The following ROBO1 variants were observed in gnomAD, a reference collection of about 807,000 sequenced individuals.
The protein encoded by ROBO1 is roundabout homolog 1.
In ROBO1, 149 loss-of-function variants were observed where a neutral mutation model predicts 195.9. The ratio of observed to expected loss-of-function variants is 0.76; its 90% CI spans 0.67 to 0.87. The LOEUF (loss-of-function observed/expected upper bound fraction) is 0.87. ROBO1 is among the 40% of genes least tolerant of loss of function. ROBO1 has a pLI of 0.00. For synonymous variants in ROBO1, 816 were observed against 733.2 expected (o/e 1.11, Z -1.82); for missense variants, 1,933 against 2,068.3 (o/e 0.93, Z 1.27).
At chr3:78,835,614 T>C (rs565310808) in intron 4 of ROBO1, among the ~76,000 whole-genome samples, 1 of 142,360 alleles carries the variant, frequency 7.0e-6, no homozygotes, top group East Asian at 2.0e-4. Context: ...GGAAAGCATA[T>C]ATCCATAGTT....
At chr3:79,703,887 C>T (rs1458588031) in intron 1 of ROBO1, among the ~76,000 whole-genome samples, 1 of 151,786 alleles carries the variant, frequency 6.6e-6, no homozygotes, top group Non-Finnish European at 1.5e-5. Flanking sequence ...GTTGAAAATT[C>T]CAAAGAGAGT....
intron 4 of ROBO1, among the ~76,000 whole-genome samples, chr3:78,887,742 G>A (rs148823680): frequency 6.9e-4 from 105 of 152,216 alleles, no homozygotes; most frequent in Middle Eastern, 3.4e-3. Context: ...CAGTTAAGTG[G>A]TGTAACATAG....
chr3:78,764,817 C>T (rs1406305127), intron 4 of ROBO1, among the ~76,000 whole-genome samples: 1 of 152,112 alleles, frequency 6.6e-6, no homozygotes, highest in Non-Finnish European at 1.5e-5. Context: ...CTACCTGTCA[C>T]AGAGACATAA....
intron 1 of ROBO1, among the ~76,000 whole-genome samples, chr3:79,630,595 C>G (rs1945308994): frequency 6.6e-6 from 1 of 152,020 alleles, no homozygotes; most frequent in African/African-American, 2.4e-5. Context: ...AGGATGCTCA[C>G]TTTCAACACT....
intron 2 of ROBO1, among the ~76,000 whole-genome samples, chr3:79,332,496 C>T (rs147784784): frequency 6.6e-6 from 1 of 152,288 alleles, no homozygotes; most frequent in Non-Finnish European, 1.5e-5. Context: ...AGAGTGAGAG[C>T]TCTTCCACTA....
chr3:79,520,839 CAA>C (rs796691319), intron 2 of ROBO1, among the ~76,000 whole-genome samples: 32 of 125,792 alleles, frequency 2.5e-4, no homozygotes, highest in African/African-American at 7.7e-4. Flanking sequence ...AAACCAGAGC[CAA>C]AAAAAAAAAC....
At position 78,816,801 on chromosome 3, in the gene ROBO1, T is replaced by C. The variant is rs534527719; in HGVS notation, c.500-69901A>G. ...AATTGCTGCACTCTCATGAGAAAAC[T>C]TGAACAGATGAAGAGTCACTTCTTA... On this transcript the variant is annotated intron_variant, in intron 4 of 30. Transcript: ENST00000464233. Among the ~76,000 whole-genome samples the C allele has an allele frequency of 1.1e-4, 16 of 152,214 alleles. No individual in the cohort carries two copies. In the South Asian group the frequency reaches 3.3e-3, roughly 32 times the overall value.
At chr3:78,937,020 T>TTC (rs2107675876) in intron 4 of ROBO1, among the ~76,000 whole-genome samples, 1 of 152,254 alleles carries the variant, frequency 6.6e-6, no homozygotes, top group African/African-American at 2.4e-5. Context: ...ATTGTAGAAC[T>TTC]TCAAAGAAAT....
chr3:78,832,506 G>T (rs2032317550), intron 4 of ROBO1, among the ~76,000 whole-genome samples: 1 of 152,124 alleles, frequency 6.6e-6, no homozygotes, highest in Admixed American at 6.6e-5. Flanking sequence ...AAACAGTGAT[G>T]CTTGAGGATA....
At chr3:78,814,567 C>T (rs928248745) in intron 4 of ROBO1, among the ~76,000 whole-genome samples, 1 of 151,856 alleles carries the variant, frequency 6.6e-6, no homozygotes, top group Non-Finnish European at 1.5e-5. Flanking sequence ...AAAAATATAG[C>T]TTTGAAATCA....
chr3:78,731,956 G>C (rs2082295414), intron 5 of ROBO1, among the ~76,000 whole-genome samples: 1 of 152,054 alleles, frequency 6.6e-6, no homozygotes, highest in Admixed American at 6.6e-5. Flanking sequence ...TAATTAATGA[G>C]AACTGTGATA....
intron 2 of ROBO1, among the ~76,000 whole-genome samples, chr3:79,503,046 A>T (rs1575928917): frequency 6.6e-6 from 1 of 152,296 alleles, no homozygotes; most frequent in Non-Finnish European, 1.5e-5. Flanking sequence ...ACAACCTCTC[A>T]GGTCTCTTTC....
chr3:79,616,388 T>C (rs1944820007), intron 1 of ROBO1, among the ~76,000 whole-genome samples: 2 of 151,678 alleles, frequency 1.3e-5, no homozygotes, highest in South Asian at 2.1e-4. Context: ...TAATAGAAAA[T>C]AGAAATATGA....
chr3:79,371,765 T>G (rs1412361437), intron 2 of ROBO1, among the ~76,000 whole-genome samples: 1 of 152,272 alleles, frequency 6.6e-6, no homozygotes, highest in East Asian at 1.9e-4. Flanking sequence ...GAGGCAGAAT[T>G]TGGAGATCTG....
chr3:79,003,632 G>C (rs916089225), intron 3 of ROBO1, among the ~76,000 whole-genome samples: 2 of 152,090 alleles, frequency 1.3e-5, no homozygotes, highest in African/African-American at 4.8e-5. Flanking sequence ...GAAATTGTAC[G>C]CATTTTACTG....
intron 2 of ROBO1, among the ~76,000 whole-genome samples, chr3:79,440,852 G>A (rs1452245661): frequency 4.6e-5 from 7 of 152,088 alleles, no homozygotes; most frequent in Admixed American, 1.3e-4. Flanking sequence ...GGAAATAAGG[G>A]AGTCATGCGG....
intron 1 of ROBO1, among the ~76,000 whole-genome samples, chr3:79,736,331 T>C (rs1349176774): frequency 1.3e-5 from 2 of 152,150 alleles, no homozygotes; most frequent in Non-Finnish European, 2.9e-5. Context: ...GCCAAATAAT[T>C]TGAAGTCTCA....
chr3:78,638,380 C>T (rs576702090), intron 22 of ROBO1, among the ~76,000 whole-genome samples: 122 of 151,274 alleles, frequency 8.1e-4, no homozygotes, highest in African/African-American at 2.8e-3. Context: ...GGATTTGCTA[C>T]TATACCATAA....
intron 2 of ROBO1, among the ~76,000 whole-genome samples, chr3:79,220,436 C>G (rs2082118339): frequency 6.6e-6 from 1 of 152,058 alleles, no homozygotes; most frequent in African/African-American, 2.4e-5. Context: ...AACAAAAAAT[C>G]AATGAGTTAA....
Sources: allele counts gnomAD v4.1 joint callset (sites outside exome capture counted in the v4.1 genomes callset), GRCh38; gene constraint gnomAD v4.1.1; transcripts MANE v1.5; gene names NCBI Gene and HGNC (gene_info 2026-07-23, HGNC 2026-07-21).